Variants in MKX observed in about 807,000 individuals in gnomAD.
MKX encodes the protein mohawk homeobox.
A neutral mutation model predicts 36.0 loss-of-function variants in MKX; 13 were observed. That is an observed-to-expected ratio of 0.36 (90% CI 0.24 to 0.57). The LOEUF (loss-of-function observed/expected upper bound fraction) is 0.57. MKX is among the 20% of genes least tolerant of loss of function. MKX has a pLI of 0.79. For missense variants in MKX, 458 were observed against 456.4 expected, an observed-to-expected ratio of 1.00 and a Z score of -0.03; for synonymous variants, 176 against 178.3, an observed-to-expected ratio of 0.99 and a Z score of 0.10.
intron 5 of MKX, among the ~76,000 whole-genome samples, chr10:27,729,527 G>C (rs1482892617): frequency 6.6e-6 from 1 of 151,694 alleles, no homozygotes; most frequent in African/African-American, 2.4e-5. Context: ...GACTGGTCTC[G>C]AACTCCTGAC....
At chr10:27,743,717 G>T (rs911370098) in intron 1 of MKX, among the ~76,000 whole-genome samples, 2 of 152,078 alleles carry the variant, frequency 1.3e-5, no homozygotes, top group Non-Finnish European at 2.9e-5. Flanking sequence ...TTGCCTGGGC[G>T]ATCGATCCCC....
At position 27,742,617 on chromosome 10, in the gene MKX, G is replaced by T. The variant is rs1363793891; in HGVS notation, c.188+611C>A. Among the ~76,000 whole-genome samples the T allele has an allele frequency of 2.7e-5, 4 of 149,438 alleles. No homozygotes were observed. Among genetic ancestry groups the T allele is most frequent in the African/African-American group, 9.8e-5 (4 of 40,618 alleles). Reference sequence around the variant, plus strand: ...GCAGCTGGCCCACCCGCAAGCTACCGCCCCCCCCAGCATACCCCTCACCCC... The same window carrying T: ...GCAGCTGGCCCACCCGCAAGCTACCTCCCCCCCCAGCATACCCCTCACCCC... On this transcript the variant is annotated intron_variant, in intron 2 of 6. Coordinates refer to ENST00000419761, the MANE Select transcript of MKX (RefSeq NM_173576.3). This position sits in a 1 kb window ranked among gnomAD's most constrained non-coding sequence, Gnocchi z 4.2.
At chr10:27,730,406 G>A (rs1255728836) in intron 5 of MKX, among the ~76,000 whole-genome samples, 1 of 150,870 alleles carries the variant, frequency 6.6e-6, no homozygotes, top group East Asian at 1.9e-4. Flanking sequence ...ATAAAAATAA[G>A]TGAAGTAAAA....
chr10:27,735,694 A>G (rs544424480), intron 3 of MKX, among the ~76,000 whole-genome samples: 1 of 152,358 alleles, frequency 6.6e-6, no homozygotes, highest in South Asian at 2.1e-4. Flanking sequence ...GATGAATGGC[A>G]TACAAGACAT....
intron 5 of MKX, among the ~76,000 whole-genome samples, chr10:27,715,813 C>T (rs1014253410): frequency 2.6e-5 from 4 of 152,066 alleles, no homozygotes; most frequent in Non-Finnish European, 4.4e-5. Context: ...AGATGGAAAA[C>T]CACTTACTCC....
In MKX at chr10:27,742,656, C is replaced by A. The variant is rs1245323840; in HGVS notation, c.188+572G>T. 6.6e-6 allele frequency among the ~76,000 whole-genome samples: 1 copy of A among 151,964 alleles called. No homozygotes were observed. The highest frequency in any genetic ancestry group is 1.9e-4 in the East Asian group (1 of 5,134). On this transcript the variant is annotated intron_variant, in intron 2 of 6. Transcript: ENST00000419761. The surrounding 1 kb of genome is among the most constrained non-coding windows in gnomAD (Gnocchi z 4.2). ...ACCCCTCACCCCGCTAAACTCAAACCCGGCCCCGCAGGCCCGGGGCCTCCC... is the reference window on the plus strand; with the variant it reads ...ACCCCTCACCCCGCTAAACTCAAACACGGCCCCGCAGGCCCGGGGCCTCCC...
chr10:27,735,157 G>A (rs1834726033), intron 4 of MKX, 64 bp downstream of exon 4: 1 of 1,431,050 alleles, frequency 7.0e-7, no homozygotes, highest in Admixed American at 2.5e-5. Context: ...CTTAAAAATA[G>A]CAATTATGGT....
chr10:27,743,302 G>A lies in MKX; in HGVS notation c.114C>T (p.His38=), dbSNP rs1345673747. The stretch of plus-strand genomic sequence containing the variant: ...CGGGAATGCCCACCTCGGGGCGGGC[G>A]TGAGGACTGTCCAGGACACCGCTGT... ...RPYSGVLDSP[H]ARPEVGIPDG... is the part of the protein sequence containing the mutation. Residue 38 remains histidine (H), a synonymous_variant, in exon 2 of 7, where the codon CAC becomes CAT. Coordinates refer to ENST00000419761, the MANE Select transcript of MKX (RefSeq NM_173576.3). 4 of 1,560,900 alleles carry A rather than the reference G, an allele frequency of 2.6e-6. No individual in the cohort carries two copies. In the Admixed American group the frequency reaches 6.0e-5, roughly 23 times the overall value.
intron 5 of MKX, among the ~76,000 whole-genome samples, chr10:27,714,509 GACA>G (rs1229427455): frequency 6.6e-6 from 1 of 152,122 alleles, no homozygotes; most frequent in Non-Finnish European, 1.5e-5. Flanking sequence ...CCCTCATCAA[GACA>G]ACATTTTTGT....
intron 5 of MKX, among the ~76,000 whole-genome samples, chr10:27,717,141 T>A (rs1326675635): frequency 3.9e-5 from 6 of 152,026 alleles, no homozygotes; most frequent in African/African-American, 1.4e-4. Flanking sequence ...CACAGGGAAA[T>A]GAGCTGTGTC....
intron 5 of MKX, among the ~76,000 whole-genome samples, chr10:27,722,804 C>A (rs1834408742): frequency 6.6e-6 from 1 of 152,096 alleles, no homozygotes; most frequent in South Asian, 2.1e-4. Flanking sequence ...GACCTTTATG[C>A]TGTCATTTTA....
intron 5 of MKX, among the ~76,000 whole-genome samples, chr10:27,686,640 C>T (rs1836359620): frequency 6.6e-6 from 1 of 151,958 alleles, no homozygotes; most frequent in South Asian, 2.1e-4. Context: ...CCATGCCCAG[C>T]TAATTTTTGT....
chr10:27,689,289 G>A (rs916639994), intron 5 of MKX, among the ~76,000 whole-genome samples: 1 of 152,156 alleles, frequency 6.6e-6, no homozygotes, highest in East Asian at 1.9e-4. Flanking sequence ...TTCATCTGCT[G>A]TATTTACTAC....
At chr10:27,728,434 T>C (rs1834542628) in intron 5 of MKX, among the ~76,000 whole-genome samples, 1 of 152,252 alleles carries the variant, frequency 6.6e-6, no homozygotes, top group South Asian at 2.1e-4. Context: ...GGCATCTTTT[T>C]AAACCTTTCT....
At chr10:27,682,992 AAAAAGAAAAGAAAAG>A (rs199711837) in intron 5 of MKX, among the ~76,000 whole-genome samples, 1 of 151,862 alleles carries the variant, frequency 6.6e-6, no homozygotes, top group African/African-American at 2.4e-5. Context: ...TCGAAAAAAA[AAAAAGAAAAGAAAAG>A]AAAAGAAAAA....
At chr10:27,712,204 C>T (rs1836885840) in intron 5 of MKX, among the ~76,000 whole-genome samples, 1 of 152,106 alleles carries the variant, frequency 6.6e-6, no homozygotes, top group Non-Finnish European at 1.5e-5. Flanking sequence ...TCCAAGAAGC[C>T]CAGACATTCC....
chr10:27,722,325 G>A (rs1834397664), intron 5 of MKX, among the ~76,000 whole-genome samples: 1 of 152,146 alleles, frequency 6.6e-6, no homozygotes, highest in Non-Finnish European at 1.5e-5. Flanking sequence ...CTGTCTTGTG[G>A]CTCAGAGCCC....
chr10:27,728,427 AT>A (rs1298519142), intron 5 of MKX, among the ~76,000 whole-genome samples: 1 of 152,264 alleles, frequency 6.6e-6, no homozygotes, highest in Non-Finnish European at 1.5e-5. Context: ...CTGCCAAGGC[AT>A]CTTTTTAAAC....
intron 5 of MKX, among the ~76,000 whole-genome samples, chr10:27,711,481 T>TTCTTTC (rs1554772187): frequency 0.025 from 429 of 17,288 alleles, 3 homozygotes; most frequent in Non-Finnish European, 0.049. Flanking sequence ...CTTTCTTTCT[T>TTCTTTC]TCTCTCTCTC....
Sources: gnomAD v4.1 joint callset for allele counts (sites outside exome capture counted in the v4.1 genomes callset) on GRCh38, gnomAD v4.1.1 for gene constraint, Gnocchi (gnomAD v3.1) non-coding constraint, MANE v1.5 for transcripts, NCBI Gene and HGNC (gene_info 2026-07-23, HGNC 2026-07-21) for gene names.